Variants in IFT140 observed in about 807,000 individuals in gnomAD.
IFT140 encodes the protein intraflagellar transport 140, also known as intraflagellar transport protein 140 homolog.
A neutral mutation model predicts 164.6 loss-of-function variants in IFT140; 133 were observed. The observed-to-expected ratio is 0.81, with a 90% confidence interval of 0.70 to 0.93. The LOEUF is 0.93. IFT140 is among the 40% of genes least tolerant of loss of function. The probability of loss-of-function intolerance (pLI) is 0.00; values close to 1 mark genes in which losing one functional copy is unlikely to be tolerated. For synonymous variants in IFT140, 860 were observed against 817.3 expected (o/e 1.05, Z -0.89); for missense variants, 2,045 against 1,972.3 (o/e 1.04, Z -0.70).
At chr16:1,544,839 G>A (rs1244809498) in intron 19 of IFT140, among the ~76,000 whole-genome samples, 7 of 151,492 alleles carry the variant, frequency 4.6e-5, no homozygotes, top group African/African-American at 1.2e-4. Context: ...TAGTAGAGAC[G>A]GGGTTTCACC....
At chr16:1,609,209 C>T (rs1180103893) in intron 2 of IFT140, among the ~76,000 whole-genome samples, 1 of 152,026 alleles carries the variant, frequency 6.6e-6, no homozygotes, top group African/African-American at 2.4e-5. Flanking sequence ...AAATCCTGGG[C>T]TAAGGGAAAT....
chr16:1,523,559 G>GA lies in IFT140; in HGVS notation c.3411dup (p.Gln1138SerfsTer48). 6.2e-7 allele frequency: 1 copy of GA among 1,613,426 alleles called. No homozygotes were observed. Among genetic ancestry groups the GA allele is most frequent in the Non-Finnish European group, 8.5e-7 (1 of 1,179,964 alleles). On this transcript the variant is annotated frameshift_variant, in exon 26 of 31. Coordinates refer to ENST00000426508, the MANE Select transcript of IFT140 (RefSeq NM_014714.4). LOFTEE classifies it high-confidence loss of function. ...AGCAGCTCTACCGCCCTCTCGTACT[G>GA]ACTGTGCTCGATGAAGAAGTCGGAG...
chr16:1,602,038 G>GC (rs2035820641), intron 4 of IFT140, among the ~76,000 whole-genome samples: 1 of 152,230 alleles, frequency 6.6e-6, no homozygotes. Flanking sequence ...ACTGGACACT[G>GC]CCCCATGTCC....
intron 13 of IFT140, chr16:1,578,396 C>G (rs1271822112): frequency 2.0e-5 from 3 of 152,050 alleles, no homozygotes; most frequent in East Asian, 1.9e-4. Flanking sequence ...AAATCAGGCT[C>G]GTGACAAAAG....
chr16:1,528,001 G>A (rs937937419), intron 19 of IFT140, among the ~76,000 whole-genome samples: 3 of 152,214 alleles, frequency 2.0e-5, no homozygotes, highest in Admixed American at 6.5e-5. Context: ...GCCACTCTAG[G>A]GACATGACGC....
intron 13 of IFT140, among the ~76,000 whole-genome samples, chr16:1,578,957 C>T (rs945699562): frequency 2.0e-5 from 3 of 152,160 alleles, no homozygotes; most frequent in African/African-American, 7.2e-5. Context: ...AGTGGTCCTC[C>T]CACCTCGCCC....
intron 19 of IFT140, among the ~76,000 whole-genome samples, chr16:1,538,045 G>A (rs1238554827): frequency 5.9e-5 from 9 of 152,122 alleles, no homozygotes; most frequent in African/African-American, 9.7e-5. Flanking sequence ...GCAGAGCCAC[G>A]CACACAGGCA....
intron 8 of IFT140, 35 bp downstream of exon 8, chr16:1,587,898 T>A: frequency 6.5e-7 from 1 of 1,534,252 alleles, no homozygotes. Context: ...CTCAGGGAAC[T>A]CTCATCAAGG....
chr16:1,579,949 G>A (rs1455000026), intron 13 of IFT140, among the ~76,000 whole-genome samples: 2 of 143,134 alleles, frequency 1.4e-5, no homozygotes, highest in Non-Finnish European at 3.0e-5. Context: ...GGGCGACAAA[G>A]CAAGACTCCA....
chr16:1,539,218 C>T (rs375053520), intron 19 of IFT140, among the ~76,000 whole-genome samples: 2 of 150,218 alleles, frequency 1.3e-5, no homozygotes, highest in African/African-American at 2.5e-5. Flanking sequence ...GTGCCAACGC[C>T]GACCCAAGCC....
chr16:1,587,403 A>T (rs1301486888), intron 8 of IFT140, 99 bp from the exon 9 acceptor site: 1 of 746,548 alleles, frequency 1.3e-6, no homozygotes, highest in Non-Finnish European at 2.3e-6. Context: ...AAAGTCAGGA[A>T]AAAGACATAG....
At chr16:1,545,394 G>T (rs546142576) in intron 19 of IFT140, among the ~76,000 whole-genome samples, 1 of 152,190 alleles carries the variant, frequency 6.6e-6, no homozygotes, top group South Asian at 2.1e-4. Context: ...CACCCCTAAC[G>T]GGTCTGTTTT....
chr16:1,552,900 G>A (rs1054706349), intron 19 of IFT140: 17 of 895,254 alleles, frequency 1.9e-5, no homozygotes, highest in Non-Finnish European at 2.3e-5. Context: ...TGATCCACCC[G>A]CCTCAGCCTC....
intron 13 of IFT140, 45 bp downstream of exon 13, chr16:1,580,714 T>G: frequency 7.6e-7 from 1 of 1,315,422 alleles, no homozygotes; most frequent in Non-Finnish European, 1.1e-6. Flanking sequence ...AGAGGCAGGA[T>G]TTCAAACTCT....
chr16:1,606,890 GCA>G (rs541852157), intron 3 of IFT140, among the ~76,000 whole-genome samples: 2 of 151,274 alleles, frequency 1.3e-5, no homozygotes, highest in South Asian at 2.1e-4. Context: ...GCATACAGAT[GCA>G]CACACACACC....
In IFT140 at chr16:1,584,224, G is replaced by A. The variant is rs8060532; in HGVS notation, c.1352C>T (p.Ala451Val). The change falls in exon 11 of 31, where the codon GCC becomes GTC. Residue 451 changes from alanine to valine, a missense_variant. By Grantham distance (64) the Ala-to-Val change is moderately conservative. Coordinates refer to ENST00000426508, the MANE Select transcript of IFT140 (RefSeq NM_014714.4). ...RTDMHISGVFATKDAVAVWNG... is the reference protein window; with the variant it reads ...RTDMHISGVFVTKDAVAVWNG... ...GGTCCCCTCGGCAGTCACCTTGGTGGCAAACACTCCACTGATGTGCATGTC... is the reference window on the plus strand; with the variant it reads ...GGTCCCCTCGGCAGTCACCTTGGTGACAAACACTCCACTGATGTGCATGTC... 7,449 of 1,612,984 alleles carry A rather than the reference G, an allele frequency of 4.6e-3. 297 individuals carry two copies. In the African/African-American group the frequency reaches 0.088, roughly 19 times the overall value.
At chr16:1,584,125 C>T (rs1286266943) in intron 11 of IFT140, 92 bp downstream of exon 11, 11 of 1,067,088 alleles carry the variant, frequency 1.0e-5, no homozygotes, top group Non-Finnish European at 1.5e-5. Flanking sequence ...AGTGGCCTAA[C>T]CTGCCATCTG....
chr16:1,527,269 C>T (rs933062890), intron 19 of IFT140, among the ~76,000 whole-genome samples: 2 of 152,170 alleles, frequency 1.3e-5, no homozygotes, highest in Non-Finnish European at 1.5e-5. Flanking sequence ...GCCTGGGGGA[C>T]GGGGTACAGG....
intron 19 of IFT140, among the ~76,000 whole-genome samples, chr16:1,528,309 ACAC>A (rs2029948622): frequency 7.5e-6 from 1 of 134,168 alleles, no homozygotes; most frequent in African/African-American, 3.0e-5. Flanking sequence ...AAAGCCACAC[ACAC>A]ACGCACGCAT....
Sources: gnomAD v4.1 joint callset for allele counts (sites outside exome capture counted in the v4.1 genomes callset) on GRCh38, gnomAD v4.1.1 for gene constraint, MANE v1.5 for transcripts, NCBI Gene and HGNC (gene_info 2026-07-23, HGNC 2026-07-21) for gene names.